NUP205: variants seen among roughly 807,000 people sequenced by gnomAD.
NUP205 encodes the protein nucleoporin 205.
In NUP205, 76 loss-of-function variants were observed where a neutral mutation model predicts 253.8. The observed-to-expected ratio is 0.30, with a 90% CI of 0.25 to 0.36. The LOEUF (loss-of-function observed/expected upper bound fraction) is 0.36, where lower values mean the gene tolerates loss of function less well. NUP205 is among the 10% of genes least tolerant of loss of function. NUP205 has a pLI of 1.00. For missense variants in NUP205, 2,162 were observed against 2,425.5 expected, an observed-to-expected ratio of 0.89 and a Z score of 2.28; for synonymous variants, 832 against 850.1, an observed-to-expected ratio of 0.98 and a Z score of 0.37.
At chr7:135,624,385 TA>T (rs1327201285) in intron 31 of NUP205, among the ~76,000 whole-genome samples, 1 of 151,430 alleles carries the variant, frequency 6.6e-6, no homozygotes, top group Non-Finnish European at 1.5e-5. Context: ...TTTTTATTTT[TA>T]TTTTTTTTGA....
chr7:135,571,577 T>G lies in NUP205; in HGVS notation c.171+330T>G, dbSNP rs117720578. Among the ~76,000 whole-genome samples the G allele has an allele frequency of 7.0e-4, 106 of 152,178 alleles. 5 individuals are homozygous for G. In the East Asian group the frequency reaches 0.019, roughly 27 times the overall value. On this transcript the variant is annotated intron_variant, in intron 2 of 42. Transcript: ENST00000285968. ...TAAAAACTTTTTTTAATTTTTAATT[T>G]TTGTGAGCACATAAAGGATGTATAT...
At chr7:135,601,668 A>G (rs1284537747) in intron 17 of NUP205, among the ~76,000 whole-genome samples, 161 bp downstream of exon 17, 1 of 152,202 alleles carries the variant, frequency 6.6e-6, no homozygotes, top group Non-Finnish European at 1.5e-5. Context: ...AAATGAGAGT[A>G]TTGTAAGTAA....
Position 135,626,378 on chromosome 7 carries a change from A to G in NUP205, c.4793+17A>G. The G allele has an allele frequency of 1.2e-6, 2 of 1,601,100 alleles. No homozygotes were observed. The highest frequency in any genetic ancestry group is 8.5e-7 in the Non-Finnish European group (1 of 1,175,704). The stretch of plus-strand genomic sequence containing the variant: ...CCCGCAGAGGTAAGTGTCTGTATAG[A>G]TTAATTTGGTTAAACTCCCAGTAAA... On this transcript the variant is annotated intron_variant, in intron 33 of 42. Coordinates refer to ENST00000285968, the MANE Select transcript of NUP205 (RefSeq NM_015135.3).
At chr7:135,626,416 G>C in intron 33 of NUP205, 55 bp downstream of exon 33, 1 of 1,519,376 alleles carries the variant, frequency 6.6e-7, no homozygotes, top group Non-Finnish European at 8.9e-7. Context: ...ATTATTAAGG[G>C]AAGAAAAAAT....
In NUP205 at chr7:135,606,800, C is replaced by T. The variant is rs1794094804; in HGVS notation, c.2955C>T (p.Ile985=). The T allele has an allele frequency of 6.2e-7, 1 of 1,613,506 alleles. No individual in the cohort carries two copies. The highest frequency in any genetic ancestry group is 1.1e-5 in the South Asian group (1 of 91,066). The change falls in exon 21 of 43, where the codon ATC becomes ATT. Residue 985 remains isoleucine (I), a synonymous_variant. Transcript: ENST00000285968. ...TTGCAATTCGTCATGAAACAAGAAT[C>T]CACATCTTGAATCTTCTCATTACCT... ...KLVAIRHETR[I]HILNLLITSL...
chr7:135,606,059 T>C (rs1244480954), intron 19 of NUP205, 86 bp from the exon 20 acceptor site: 1 of 890,370 alleles, frequency 1.1e-6, no homozygotes, highest in African/African-American at 1.7e-5. Flanking sequence ...TCCTTATGGA[T>C]GAATATTTAC....
chr7:135,616,173 C>T (rs73725198), intron 24 of NUP205, 108 bp downstream of exon 24: 32,766 of 973,622 alleles, frequency 0.034, 691 homozygotes, highest in Middle Eastern at 0.072. Flanking sequence ...ACTATCTTCT[C>T]ACTTTTAGAA....
At chr7:135,576,834 A>G in intron 4 of NUP205, 135 bp from the exon 5 acceptor site, 4 of 760,052 alleles carry the variant, frequency 5.3e-6, no homozygotes, top group East Asian at 2.8e-5. Context: ...GTGAGCCATG[A>G]TCACGCCACT....
chr7:135,568,981 C>T (rs1198176303), intron 1 of NUP205, among the ~76,000 whole-genome samples: 1 of 152,226 alleles, frequency 6.6e-6, no homozygotes, highest in South Asian at 2.1e-4. Context: ...CACTTATGTA[C>T]ATTTTATCTC....
rs73158974 is a variant in NUP205, at chr7:135,558,264, A to G, written c.28+292A>G. On this transcript the variant is annotated intron_variant, in intron 1 of 42. Transcript: ENST00000285968. The stretch of plus-strand genomic sequence containing the variant: ...GCTGAGTCTGGTCCCCCTCACCCCC[A>G]AGTTTCACTGTGCGTCTGTGGTCCC... The G allele has an allele frequency of 0.012, 5,315 of 448,580 alleles. 49 individuals are homozygous for G. The highest frequency in any genetic ancestry group is 0.023 in the South Asian group (919 of 39,878). The allele number at this position is 448,580 out of a possible 1,614,324, so 27.8% of individuals were successfully genotyped here.
rs1429417113 is a variant in NUP205, at chr7:135,591,467, T to G, written c.1491T>G (p.Phe497Leu). Reference sequence around the variant, plus strand: ...TTTTTCAGGTTGTCTTGTCAAAGTTTGTTAGGCAAATGGGTGACCTGTTGC... The same window carrying G: ...TTTTTCAGGTTGTCTTGTCAAAGTTGGTTAGGCAAATGGGTGACCTGTTGC... Reference protein sequence around the residue: ...PPQRQVVLSKFVRQMGDLLPP... With the variant: ...PPQRQVVLSKLVRQMGDLLPP... Residue 497 changes from phenylalanine (F) to leucine (L), a missense_variant, in exon 11 of 43, where the codon TTT (phenylalanine) becomes TTG (leucine). Physicochemically the swap from Phe to Leu is conservative, Grantham distance 22. Around this residue, in one of 5 missense-constraint regions of NUP205, gnomAD observed 892 missense variants for 957.1 expected, o/e 0.93. Coordinates refer to ENST00000285968, the MANE Select transcript of NUP205 (RefSeq NM_015135.3). 1 of 1,614,000 alleles carries G rather than the reference T, an allele frequency of 6.2e-7. No individual in the cohort carries two copies. Among genetic ancestry groups the G allele is most frequent in the Non-Finnish European group, 8.5e-7 (1 of 1,179,926 alleles).
rs1424834249 is a variant in NUP205 at position 135,617,211 on chromosome 7, C to A, written c.3654C>A (p.His1218Gln). ...AACAAGTTATTGCTAACTGTGAACA[C>A]AAGAATTTACGGGGACAGACAGTCT... The part of the protein sequence containing the change: ...QIEQVIANCE[H>Q]KNLRGQTVCN... Residue 1218 changes from histidine (H) to glutamine (Q), a missense_variant, in exon 26 of 43, where the codon CAC becomes CAA. Around this residue, in one of 5 missense-constraint regions of NUP205, gnomAD observed 1,144 missense variants for 1,280.9 expected, o/e 0.89. Coordinates refer to ENST00000285968, the MANE Select transcript of NUP205 (RefSeq NM_015135.3). The A allele has an allele frequency of 6.2e-7, 1 of 1,613,682 alleles. No individual in the cohort carries two copies. Among genetic ancestry groups the A allele is most frequent in the Non-Finnish European group, 8.5e-7 (1 of 1,179,844 alleles).
chr7:135,644,967 C>A lies in NUP205; in HGVS notation c.5632C>A (p.Arg1878Ser). 1 of 1,614,076 alleles carries A rather than the reference C, an allele frequency of 6.2e-7. No homozygotes were observed. Among genetic ancestry groups the A allele is most frequent in the Middle Eastern group, 1.6e-4 (1 of 6,062 alleles). ...TAQKYVLARR[R>S]LVKVINNRAK... Reference sequence around the variant, plus strand: ...TCAGAAATATGTTCTAGCAAGACGGCGCTTGGTGAAGGTGATCAACAATCG... The same window carrying A: ...TCAGAAATATGTTCTAGCAAGACGGAGCTTGGTGAAGGTGATCAACAATCG... Residue 1878 changes from arginine (R) to serine (S), a missense_variant, in exon 40 of 43, where the codon CGC (arginine) becomes AGC (serine). Physicochemically the swap from Arg to Ser is moderately radical, Grantham distance 110. Around this residue, in one of 5 missense-constraint regions of NUP205, gnomAD observed 1,144 missense variants for 1,280.9 expected, o/e 0.89. Coordinates refer to ENST00000285968, the MANE Select transcript of NUP205 (RefSeq NM_015135.3).
chr7:135,571,035 A>C (rs1302036518), intron 1 of NUP205, 70 bp from the exon 2 acceptor site: 2 of 1,241,170 alleles, frequency 1.6e-6, no homozygotes, highest in Non-Finnish European at 2.2e-6. Context: ...AAATGTGTGG[A>C]TGGTAACCTC....
intron 3 of NUP205, 125 bp downstream of exon 3, chr7:135,573,950 A>T (rs1287726181): frequency 4.0e-6 from 3 of 745,596 alleles, no homozygotes; most frequent in Non-Finnish European, 6.3e-6. Context: ...GTAAAACCAT[A>T]TTCAAAATAT....
chr7:135,624,917 A>G (rs549204828), intron 31 of NUP205, among the ~76,000 whole-genome samples: 26 of 152,324 alleles, frequency 1.7e-4, no homozygotes, highest in African/African-American at 5.8e-4. Flanking sequence ...CCACTAGTTT[A>G]ACGTGTTAGG....
At chr7:135,648,209 A>T (rs1260547477) in intron 42 of NUP205, among the ~76,000 whole-genome samples, 195 bp from the exon 43 acceptor site, 1 of 152,240 alleles carries the variant, frequency 6.6e-6, no homozygotes, top group African/African-American at 2.4e-5. Flanking sequence ...AAAACATGAG[A>T]ATTAAACCAA....
At chr7:135,613,772 G>A (rs1287257706) in intron 22 of NUP205, 1 of 152,488 alleles carries the variant, frequency 6.6e-6, no homozygotes, top group Non-Finnish European at 1.5e-5. Flanking sequence ...CTGACCTCAA[G>A]TAATCTGCCC....
rs758179023 is a variant in NUP205, at chr7:135,594,743, G to A, written c.2013+14G>A. ...GAATACACTCAGGTAGGGCTCTGAA[G>A]TCCCTTATTTATATTATCCCAATGT... On this transcript the variant is annotated intron_variant, in intron 13 of 42. Transcript: ENST00000285968. 4.8e-5 allele frequency: 76 copies of A among 1,594,914 alleles called. 1 individual carries two copies. The Middle Eastern group carries it at 1.7e-3, about 35-fold the overall frequency.
Sources: allele counts gnomAD v4.1 joint callset (sites outside exome capture counted in the v4.1 genomes callset), GRCh38; gene constraint gnomAD v4.1.1; regional missense constraint gnomAD v4.1.1; transcripts MANE v1.5; gene names NCBI Gene and HGNC (gene_info 2026-07-23, HGNC 2026-07-21).